NEDD4L: variants seen among roughly 807,000 people sequenced by gnomAD.
NEDD4L encodes the protein E3 ubiquitin-protein ligase NEDD4-like.
NEDD4L carries 54 observed loss-of-function variants against 148.9 expected under a neutral mutation model. That is an observed-to-expected ratio of 0.36 (90% CI 0.29 to 0.45). NEDD4L has a LOEUF of 0.45. NEDD4L is among the 20% of genes least tolerant of loss of function. The pLI, the probability that NEDD4L is intolerant of heterozygous loss-of-function variation, is 1.00. For synonymous variants in NEDD4L, 433 were observed against 440.7 expected (o/e 0.98, Z 0.22); for missense variants, 856 against 1,233.8 (o/e 0.69, Z 4.59).
Position 58,286,435 on chromosome 18 carries a change from A to G in NEDD4L, c.298-29547A>G, listed in dbSNP as rs78158541. Among the ~76,000 whole-genome samples the G allele has an allele frequency of 4.5e-4, 68 of 152,308 alleles. 1 individual carries two copies. In the East Asian group the frequency reaches 0.011, roughly 25 times the overall value. On this transcript the variant is annotated intron_variant, in intron 5 of 30. Transcript: ENST00000400345. ...TTTAAAATACTTTATTGAAACTGCC[A>G]TGTTCTTTTCAATTTTGGTAGCTCC...
At chr18:58,054,218 G>A (rs1416811598) in intron 1 of NEDD4L, among the ~76,000 whole-genome samples, 1 of 152,204 alleles carries the variant, frequency 6.6e-6, no homozygotes, top group East Asian at 1.9e-4. Context: ...ATGTGTTTGT[G>A]TCCCACAGCG....
At chr18:58,063,134 C>T (rs1157150373) in intron 1 of NEDD4L, among the ~76,000 whole-genome samples, 1 of 149,348 alleles carries the variant, frequency 6.7e-6, no homozygotes, top group Non-Finnish European at 1.5e-5. Flanking sequence ...TAGCCTTGAC[C>T]TCCGAAGTCC....
At chr18:58,360,742 TTGTGTGTGTG>T (rs10665833) in intron 19 of NEDD4L, among the ~76,000 whole-genome samples, 3 of 145,974 alleles carry the variant, frequency 2.1e-5, no homozygotes, top group East Asian at 2.0e-4. Context: ...AGTTTATAAT[TTGTGTGTGTG>T]TGTGTGTGTG....
chr18:58,277,589 G>A (rs1280334125), intron 5 of NEDD4L, among the ~76,000 whole-genome samples: 1 of 152,108 alleles, frequency 6.6e-6, no homozygotes, highest in African/African-American at 2.4e-5. Flanking sequence ...CTTCTCAGTG[G>A]GTGTAAATGG....
At chr18:58,124,775 A>C (rs556357430) in intron 1 of NEDD4L, among the ~76,000 whole-genome samples, 9 of 152,368 alleles carry the variant, frequency 5.9e-5, no homozygotes, top group African/African-American at 2.2e-4. Context: ...TACTTTATTC[A>C]ATAATAATCA....
rs1055044023 is a variant in NEDD4L at position 58,199,165 on chromosome 18, T to C, written c.122+33304T>C. Among the ~76,000 whole-genome samples, 7 of 152,254 alleles carry C rather than the reference T, an allele frequency of 4.6e-5. No homozygotes were observed. In the East Asian group the frequency reaches 9.6e-4, roughly 21 times the overall value. ...ATATAGTCTAATAAAAATTGTTAAA[T>C]CTAATTAAACAACTAATAAAAATAG... On this transcript the variant is annotated intron_variant, in intron 2 of 30. Coordinates refer to ENST00000400345, the MANE Select transcript of NEDD4L (RefSeq NM_001144967.3).
chr18:58,184,201 G>T (rs552925573), intron 2 of NEDD4L, among the ~76,000 whole-genome samples: 2 of 152,282 alleles, frequency 1.3e-5, no homozygotes, highest in East Asian at 3.9e-4. Flanking sequence ...GGGAATGAGG[G>T]TGTCCTGGTA....
chr18:58,150,501 C>T (rs1187583641), intron 1 of NEDD4L, among the ~76,000 whole-genome samples: 1 of 152,254 alleles, frequency 6.6e-6, no homozygotes, highest in Non-Finnish European at 1.5e-5. Context: ...GCTGGGATTA[C>T]AGGCGTGAGC....
intron 2 of NEDD4L, among the ~76,000 whole-genome samples, chr18:58,191,869 G>A (rs1296655041): frequency 6.6e-6 from 1 of 152,114 alleles, no homozygotes; most frequent in Non-Finnish European, 1.5e-5. Flanking sequence ...TGCTGACAAG[G>A]TACATGGTAC....
At chr18:58,378,431 TG>T (rs2047863110) in intron 24 of NEDD4L, among the ~76,000 whole-genome samples, 1 of 152,232 alleles carries the variant, frequency 6.6e-6, no homozygotes, top group South Asian at 2.1e-4. Flanking sequence ...GAGCATGTCC[TG>T]GCGGAAGCCA....
In NEDD4L at chr18:58,156,767, G is replaced by A. The variant is rs531797756; in HGVS notation, c.49-9021G>A. Among the ~76,000 whole-genome samples the A allele has an allele frequency of 3.9e-5, 6 of 152,194 alleles. No homozygotes were observed. In the East Asian group the frequency reaches 9.6e-4, roughly 24 times the overall value. ...GACTCATCTGCTCTCCTGCATGCTC[G>A]CTCCTTGGGTGAGAGCTGCCCTCTG... On this transcript the variant is annotated intron_variant, in intron 1 of 30. Coordinates refer to ENST00000400345, the MANE Select transcript of NEDD4L (RefSeq NM_001144967.3).
intron 16 of NEDD4L, among the ~76,000 whole-genome samples, chr18:58,346,366 T>C (rs915916361): frequency 3.9e-5 from 6 of 152,182 alleles, no homozygotes; most frequent in Non-Finnish European, 7.3e-5. Flanking sequence ...TAACTGCAAA[T>C]ATTTTGAAAT....
At chr18:58,125,381 G>GTGTT (rs1366455585) in intron 1 of NEDD4L, among the ~76,000 whole-genome samples, 1 of 152,136 alleles carries the variant, frequency 6.6e-6, no homozygotes, top group Non-Finnish European at 1.5e-5. Context: ...GTGTGTGTGT[G>GTGTT]TGTGTGTTTC....
At chr18:58,102,250 C>G (rs1277090502) in intron 1 of NEDD4L, among the ~76,000 whole-genome samples, 2 of 152,070 alleles carry the variant, frequency 1.3e-5, no homozygotes, top group African/African-American at 4.8e-5. Context: ...GGGGTGGTGA[C>G]TGCTTGGTGA....
At position 58,149,438 on chromosome 18, in the gene NEDD4L, G is replaced by A. The variant is rs949508192; in HGVS notation, c.49-16350G>A. ...CGGCAGTGGAAAGTTACCCTTGGCT[G>A]CAGCCACGACTTCCGCATACTCTTC... On this transcript the variant is annotated intron_variant, in intron 1 of 30. Transcript: ENST00000400345. 5 of 1,526,716 alleles carry A rather than the reference G, an allele frequency of 3.3e-6. No homozygotes were observed. In the South Asian group the frequency reaches 5.0e-5, roughly 15 times the overall value. The allele number at this position is 1,526,716 out of a possible 1,614,324, so 94.6% of individuals were successfully genotyped here.
intron 2 of NEDD4L, among the ~76,000 whole-genome samples, chr18:58,199,383 A>G (rs1445830914): frequency 1.3e-5 from 2 of 152,230 alleles, no homozygotes; most frequent in South Asian, 4.2e-4. Context: ...GAAGCTGGCA[A>G]GCATCTAGTG....
At chr18:58,182,887 G>C (rs989994523) in intron 2 of NEDD4L, among the ~76,000 whole-genome samples, 2 of 152,206 alleles carry the variant, frequency 1.3e-5, no homozygotes, top group Non-Finnish European at 2.9e-5. Flanking sequence ...TATTTTAAGT[G>C]TTTGGCCAAC....
chr18:58,331,470 T>G (rs1291749206), intron 11 of NEDD4L, among the ~76,000 whole-genome samples: 1 of 152,196 alleles, frequency 6.6e-6, no homozygotes, highest in African/African-American at 2.4e-5. Context: ...TGTTGTGAAA[T>G]TGTGACACTG....
chr18:58,293,832 C>G (rs1244881052), intron 5 of NEDD4L, among the ~76,000 whole-genome samples: 2 of 152,060 alleles, frequency 1.3e-5, no homozygotes, highest in African/African-American at 4.8e-5. Flanking sequence ...AAGCAATCCT[C>G]CCACCTCAGC....
Sources: gnomAD v4.1 joint callset for allele counts (sites outside exome capture counted in the v4.1 genomes callset) on GRCh38, gnomAD v4.1.1 for gene constraint, MANE v1.5 for transcripts, NCBI Gene and HGNC (gene_info 2026-07-23, HGNC 2026-07-21) for gene names.